ZNF521: variants seen among roughly 807,000 people sequenced by gnomAD.
ZNF521 encodes zinc finger protein 521, also known as LYST-interacting protein 3.
Under a neutral mutation model 105.5 loss-of-function variants are expected in ZNF521, and 14 were observed. That is an observed-to-expected ratio of 0.13 (90% CI 0.09 to 0.21). ZNF521 has a LOEUF of 0.21. ZNF521 is among the 10% of genes least tolerant of loss of function. ZNF521 has a pLI of 1.00. For missense variants in ZNF521, 1,233 were observed against 1,629.7 expected (o/e 0.76, Z 4.19); for synonymous variants, 635 against 606.0 (o/e 1.05, Z -0.70).
chr18:25,320,360 G>A (rs1182386887), intron 3 of ZNF521, among the ~76,000 whole-genome samples: 1 of 151,966 alleles, frequency 6.6e-6, no homozygotes, highest in African/African-American at 2.4e-5. Flanking sequence ...TAGTAGAGAC[G>A]GGGTTTCACC....
At chr18:25,250,423 T>G (rs965672669) in intron 3 of ZNF521, among the ~76,000 whole-genome samples, 4 of 152,262 alleles carry the variant, frequency 2.6e-5, no homozygotes, top group Admixed American at 6.5e-5. Context: ...TGAAGTAAGC[T>G]ATTTTTCCTT....
chr18:25,091,415 C>T (rs2033743511), intron 6 of ZNF521, among the ~76,000 whole-genome samples: 1 of 125,626 alleles, frequency 8.0e-6, no homozygotes, highest in South Asian at 2.5e-4. Flanking sequence ...AGATCAACTT[C>T]TACTCTAAAA....
intron 3 of ZNF521, among the ~76,000 whole-genome samples, chr18:25,232,141 G>A (rs1906577168): frequency 6.6e-6 from 1 of 152,176 alleles, no homozygotes; most frequent in Non-Finnish European, 1.5e-5. Flanking sequence ...AAATACTGAT[G>A]GGTCTGATAC....
Position 25,227,115 on chromosome 18 carries a change from C to T in ZNF521, c.803G>A (p.Cys268Tyr), listed in dbSNP as rs1906210288. 6.2e-7 allele frequency: 1 copy of T among 1,614,008 alleles called. No individual in the cohort carries two copies. ...CTCATTTGGGGAGCATTCGGGGTGG[C>T]ACTCTGCAATGTGTTTTTGGAGGTC... Reference protein sequence around the residue: ...PEDLQKHIAECHPECSPNEDR... With the variant: ...PEDLQKHIAEYHPECSPNEDR... Residue 268 changes from cysteine to tyrosine, a missense_variant, in exon 4 of 8, where the codon TGC becomes TAC. Cys to Tyr is a radical substitution (Grantham distance 194, BLOSUM62 -2). Around this residue, in one of 6 missense-constraint regions of ZNF521, gnomAD observed 380 missense variants for 478.0 expected, o/e 0.80. Coordinates refer to ENST00000361524, the MANE Select transcript of ZNF521 (RefSeq NM_015461.3). This position sits in a 1 kb window ranked among gnomAD's most constrained non-coding sequence, Gnocchi z 5.7.
At chr18:25,217,060 G>A (rs973555853) in intron 4 of ZNF521, among the ~76,000 whole-genome samples, 8 of 152,126 alleles carry the variant, frequency 5.3e-5, no homozygotes, top group African/African-American at 1.9e-4. Context: ...TCGCCAGAAG[G>A]AAGTGAGAAT....
intron 3 of ZNF521, among the ~76,000 whole-genome samples, chr18:25,319,654 T>G (rs958533933): frequency 6.6e-6 from 1 of 151,978 alleles, no homozygotes; most frequent in African/African-American, 2.4e-5. Flanking sequence ...TAGATATTTA[T>G]ATAGTATCAA....
chr18:25,148,906 T>C (rs761339315), intron 5 of ZNF521, among the ~76,000 whole-genome samples: 6 of 152,234 alleles, frequency 3.9e-5, no homozygotes, highest in Admixed American at 3.3e-4. Flanking sequence ...GCAACCAATC[T>C]ATTATTTATA....
chr18:25,187,420 CAG>C (rs1051952686), intron 5 of ZNF521, among the ~76,000 whole-genome samples: 1 of 151,214 alleles, frequency 6.6e-6, no homozygotes, highest in African/African-American at 2.4e-5. Flanking sequence ...CTTGTTACCT[CAG>C]AGTTTTTTTT....
intron 7 of ZNF521, among the ~76,000 whole-genome samples, chr18:25,079,682 A>C (rs990421486): frequency 3.9e-5 from 6 of 152,094 alleles, no homozygotes; most frequent in Middle Eastern, 6.8e-3. Context: ...GGGGGGACGC[A>C]GGGTGCTCTC....
At chr18:25,262,829 A>G (rs888225045) in intron 3 of ZNF521, among the ~76,000 whole-genome samples, 1 of 152,182 alleles carries the variant, frequency 6.6e-6, no homozygotes, top group African/African-American at 2.4e-5. Flanking sequence ...GGATGGTTTG[A>G]GCAGCTGATA....
At chr18:25,232,256 T>C (rs2144759029) in intron 3 of ZNF521, among the ~76,000 whole-genome samples, 1 of 152,328 alleles carries the variant, frequency 6.6e-6, no homozygotes, top group South Asian at 2.1e-4. Flanking sequence ...TACCTAGGTA[T>C]TTCACCTGCA....
chr18:25,099,226 T>A (rs72881254), intron 5 of ZNF521, among the ~76,000 whole-genome samples: 18,609 of 152,208 alleles, frequency 0.12, 1,254 homozygotes, highest in Middle Eastern at 0.17. Flanking sequence ...GCAAACCCTA[T>A]ATTTAATTTC....
At chr18:25,328,402 A>AACACACACACAC (rs57967888) in intron 2 of ZNF521, among the ~76,000 whole-genome samples, 3 of 141,682 alleles carry the variant, frequency 2.1e-5, no homozygotes, top group Admixed American at 1.4e-4. Flanking sequence ...GGGGAGGTTA[A>AACACACACACAC]ACACACACAC....
intron 5 of ZNF521, among the ~76,000 whole-genome samples, chr18:25,112,301 T>C (rs1057424658): frequency 6.6e-6 from 1 of 152,192 alleles, no homozygotes; most frequent in African/African-American, 2.4e-5. Flanking sequence ...TCGGGTTTTC[T>C]CTTTACCTTT....
chr18:25,085,457 C>T (rs1192436055), intron 7 of ZNF521, among the ~76,000 whole-genome samples: 1 of 151,792 alleles, frequency 6.6e-6, no homozygotes, highest in Non-Finnish European at 1.5e-5. Context: ...TTGTGATATT[C>T]AAAGGATGGT....
At chr18:25,073,027 T>C (rs1231466370) in intron 7 of ZNF521, among the ~76,000 whole-genome samples, 2 of 152,104 alleles carry the variant, frequency 1.3e-5, no homozygotes, top group Non-Finnish European at 2.9e-5. Context: ...TAAATAAATC[T>C]TTGGAAGGAA....
chr18:25,310,671 A>G (rs1038305810), intron 3 of ZNF521, among the ~76,000 whole-genome samples: 3 of 152,078 alleles, frequency 2.0e-5, no homozygotes, highest in Admixed American at 6.6e-5. Flanking sequence ...CTTTGGTCCT[A>G]TTGGGTTCTT....
intron 3 of ZNF521, among the ~76,000 whole-genome samples, chr18:25,306,022 T>C (rs1033070350): frequency 1.3e-5 from 2 of 152,254 alleles, no homozygotes; most frequent in African/African-American, 4.8e-5. Context: ...TCTAAGGACA[T>C]ACAACCAGCT....
chr18:25,317,181 C>G (rs1236607940), intron 3 of ZNF521, among the ~76,000 whole-genome samples: 1 of 133,136 alleles, frequency 7.5e-6, no homozygotes, highest in Admixed American at 7.8e-5. Context: ...TTTGACTAAC[C>G]TGCTGTAGTA....
Sources: allele counts gnomAD v4.1 joint callset (sites outside exome capture counted in the v4.1 genomes callset), GRCh38; gene constraint gnomAD v4.1.1; regional missense constraint gnomAD v4.1.1; non-coding constraint Gnocchi (gnomAD v3.1); transcripts MANE v1.5; gene names NCBI Gene and HGNC (gene_info 2026-07-23, HGNC 2026-07-21).